Variants in NBAS observed in about 807,000 individuals in gnomAD.
NBAS encodes the protein NAG/BC035112 fusion.
NBAS carries 219 observed loss-of-function variants against 302.5 expected under a neutral mutation model. The ratio of observed to expected loss-of-function variants is 0.72; its 90% confidence interval spans 0.65 to 0.81. NBAS has a LOEUF of 0.81. NBAS is among the 30% of genes least tolerant of loss of function. The pLI, the probability that NBAS is intolerant of heterozygous loss-of-function variation, is 0.00. For synonymous variants in NBAS, 1,118 were observed against 1,021.6 expected, an observed-to-expected ratio of 1.09 and a Z score of -1.80; for missense variants, 2,932 against 2,841.6, an observed-to-expected ratio of 1.03 and a Z score of -0.72.
chr2:15,051,164 C>A, the NBAS span, among the ~76,000 whole-genome samples: 1 of 152,154 alleles, frequency 6.6e-6, no homozygotes, highest in East Asian at 1.9e-4. Context: ...GGTGGCTGAA[C>A]AACGAAGACA....
At chr2:15,148,686 T>C in the NBAS span, among the ~76,000 whole-genome samples, 21 of 152,212 alleles carry the variant, frequency 1.4e-4, no homozygotes, top group Admixed American at 1.0e-3. Flanking sequence ...AAATTATTTA[T>C]AATTTTTTTA....
the NBAS span, among the ~76,000 whole-genome samples, chr2:14,976,828 G>A: frequency 6.6e-6 from 1 of 152,072 alleles, no homozygotes; most frequent in Non-Finnish European, 1.5e-5. Flanking sequence ...CAAGCCAAGG[G>A]GTGTCTACAG....
At chr2:15,514,236 G>C (rs1260695447) in intron 9 of NBAS, among the ~76,000 whole-genome samples, 5 of 152,108 alleles carry the variant, frequency 3.3e-5, no homozygotes, top group Non-Finnish European at 7.4e-5. Context: ...TGAGCTGATT[G>C]TTGAAACTGA....
chr2:15,480,292 G>T (rs1430985338), intron 12 of NBAS, among the ~76,000 whole-genome samples: 1 of 151,234 alleles, frequency 6.6e-6, no homozygotes, highest in Non-Finnish European at 1.5e-5. Context: ...AGTAAGCTAT[G>T]ATCACACCAC....
chr2:15,413,159 C>T (rs1254558491), intron 25 of NBAS, among the ~76,000 whole-genome samples: 2 of 152,214 alleles, frequency 1.3e-5, no homozygotes, highest in Non-Finnish European at 2.9e-5. Flanking sequence ...TCTTGAATTG[C>T]AGTCCTACTT....
At chr2:15,415,458 C>T in intron 25 of NBAS, 88 bp downstream of exon 25, 1 of 1,219,742 alleles carries the variant, frequency 8.2e-7, no homozygotes, top group Non-Finnish European at 1.2e-6. Context: ...AAATTATCTG[C>T]AAAGCCTACC....
the NBAS span, among the ~76,000 whole-genome samples, chr2:14,905,990 A>T: frequency 6.6e-6 from 1 of 152,174 alleles, no homozygotes; most frequent in East Asian, 1.9e-4. Context: ...CAATATTATC[A>T]AATCGGGAGC....
chr2:15,134,224 C>T, the NBAS span, among the ~76,000 whole-genome samples: 1 of 152,046 alleles, frequency 6.6e-6, no homozygotes, highest in Non-Finnish European at 1.5e-5. Flanking sequence ...GGATTAAGCT[C>T]TTACAAAAGA....
the NBAS span, among the ~76,000 whole-genome samples, chr2:14,942,046 G>T: frequency 6.6e-6 from 1 of 152,190 alleles, no homozygotes; most frequent in Non-Finnish European, 1.5e-5. Context: ...AGACACGATG[G>T]TTCTAGAAAT....
At chr2:15,080,065 A>G in the NBAS span, among the ~76,000 whole-genome samples, 1 of 152,200 alleles carries the variant, frequency 6.6e-6, no homozygotes, top group Non-Finnish European at 1.5e-5. Context: ...AAGGAGAACA[A>G]GCCCCACCCT....
At chr2:15,460,669 G>A (rs1017640829) in intron 21 of NBAS, among the ~76,000 whole-genome samples, 1 of 152,218 alleles carries the variant, frequency 6.6e-6, no homozygotes, top group East Asian at 1.9e-4. Flanking sequence ...CATAGGCTTT[G>A]ACACTATATC....
At chr2:14,981,711 T>A in the NBAS span, among the ~76,000 whole-genome samples, 5 of 152,242 alleles carry the variant, frequency 3.3e-5, no homozygotes, top group Non-Finnish European at 7.3e-5. Context: ...GTGTCTGCTA[T>A]ATTCACTCTT....
At position 15,432,981 on chromosome 2, in the gene NBAS, C is replaced by T. The variant is rs1677835592; in HGVS notation, c.2340-5187G>A. On this transcript the variant is annotated intron_variant, in intron 21 of 51. Coordinates refer to ENST00000281513, the MANE Select transcript of NBAS (RefSeq NM_015909.4). ...TGAAACTTACCAGTATTCTCAGAGGCTAGCAATGTGTAAAAGAGAGACAAG... is the reference window on the plus strand; with the variant it reads ...TGAAACTTACCAGTATTCTCAGAGGTTAGCAATGTGTAAAAGAGAGACAAG... Among the ~76,000 whole-genome samples, 4 of 152,130 alleles carry T rather than the reference C, an allele frequency of 2.6e-5. No individual in the cohort carries two copies. The South Asian group carries it at 8.3e-4, about 32-fold the overall frequency.
At chr2:15,296,384 C>T (rs1162393488) in intron 40 of NBAS, among the ~76,000 whole-genome samples, 1 of 151,916 alleles carries the variant, frequency 6.6e-6, no homozygotes. Context: ...ACTAAAAGTA[C>T]CAAAAAAATT....
At chr2:15,373,543 C>T (rs1190626164) in intron 31 of NBAS, among the ~76,000 whole-genome samples, 1 of 152,166 alleles carries the variant, frequency 6.6e-6, no homozygotes, top group Admixed American at 6.5e-5. Flanking sequence ...GTTGCCCAGG[C>T]TGGTCTCAAG....
intron 36 of NBAS, among the ~76,000 whole-genome samples, chr2:15,330,197 T>C (rs1197050507): frequency 2.6e-5 from 4 of 152,212 alleles, no homozygotes; most frequent in African/African-American, 9.6e-5. Flanking sequence ...CTGCCTGCCC[T>C]GACTGACTTC....
rs145608318 is a variant in NBAS at position 15,507,788 on chromosome 2, G to A, written c.885+3424C>T. ...AGTATTTTTACATTCCTAATACCTG[G>A]AGCAGTGATTAAATGTTGAATAAAT... is the stretch of plus-strand genomic sequence containing the variant. On this transcript the variant is annotated intron_variant, in intron 10 of 51. Transcript: ENST00000281513. 5.9e-5 allele frequency among the ~76,000 whole-genome samples: 9 copies of A among 152,276 alleles called. No individual in the cohort carries two copies. The South Asian group carries it at 1.7e-3, about 28-fold the overall frequency.
chr2:15,321,286 A>G (rs1671793455), intron 38 of NBAS, among the ~76,000 whole-genome samples: 1 of 152,246 alleles, frequency 6.6e-6, no homozygotes, highest in South Asian at 2.1e-4. Flanking sequence ...TAAAACCATA[A>G]AAACCCTAGA....
chr2:15,513,476 ATT>A (rs1245584955), intron 9 of NBAS, among the ~76,000 whole-genome samples: 1 of 152,218 alleles, frequency 6.6e-6, no homozygotes, highest in Non-Finnish European at 1.5e-5. Context: ...ATAAAATCAT[ATT>A]ATCCCTCAGA....
Sources: gnomAD v4.1 joint callset for allele counts (sites outside exome capture counted in the v4.1 genomes callset) on GRCh38, gnomAD v4.1.1 for gene constraint, MANE v1.5 for transcripts, NCBI Gene and HGNC (gene_info 2026-07-23, HGNC 2026-07-21) for gene names.